The following RAB11FIP4 variants were observed in gnomAD, a reference collection of about 807,000 sequenced individuals.
RAB11FIP4 encodes rab11 family-interacting protein 4.
RAB11FIP4 carries 23 observed loss-of-function variants against 74.3 expected under a neutral mutation model. The ratio of observed to expected loss-of-function variants is 0.31; its 90% confidence interval spans 0.22 to 0.44. The LOEUF (loss-of-function observed/expected upper bound fraction) is 0.44. Among genes scored for constraint, RAB11FIP4 ranks in the 20% least tolerant of loss-of-function variants. The pLI is 1.00. For synonymous variants in RAB11FIP4, 360 were observed against 359.9 expected (o/e 1.00, Z 0.00); for missense variants, 630 against 863.9 (o/e 0.73, Z 3.39).
chr17:31,525,236 C>T lies in RAB11FIP4; in HGVS notation c.1274+6C>T, dbSNP rs776224752. On this transcript the variant is annotated splice_donor_region_variant and intron_variant, in intron 10 of 14. Transcript: ENST00000621161. ...GTGGAGCTGCTCAATGCCAGGTGGG[C>T]CCCTCCACCGAGCCCCCTCCCTCAG... is the stretch of plus-strand genomic sequence containing the variant. The T allele has an allele frequency of 1.2e-5, 18 of 1,541,888 alleles. No individual in the cohort carries two copies. Among genetic ancestry groups the T allele is most frequent in the South Asian group, 9.7e-5 (8 of 82,878 alleles).
At chr17:31,505,079 C>T (rs1454626340) in intron 3 of RAB11FIP4, among the ~76,000 whole-genome samples, 2 of 151,972 alleles carry the variant, frequency 1.3e-5, no homozygotes, top group Non-Finnish European at 2.9e-5. Context: ...TGCTGTGTAC[C>T]TCTTAGGCAT....
intron 2 of RAB11FIP4, among the ~76,000 whole-genome samples, chr17:31,432,773 G>A (rs999508689): frequency 5.3e-5 from 8 of 152,206 alleles, no homozygotes; most frequent in Non-Finnish European, 8.8e-5. Context: ...AAGGCCAGTT[G>A]TGAGAAACTT....
intron 3 of RAB11FIP4, among the ~76,000 whole-genome samples, chr17:31,443,425 C>T (rs1224294612): frequency 2.6e-5 from 4 of 152,168 alleles, no homozygotes; most frequent in African/African-American, 9.7e-5. Context: ...CTTTCCCGCC[C>T]AAGATTGTGA....
chr17:31,405,149 G>A (rs1269737388), intron 1 of RAB11FIP4, among the ~76,000 whole-genome samples: 1 of 152,114 alleles, frequency 6.6e-6, no homozygotes, highest in Non-Finnish European at 1.5e-5. Context: ...TTCTGTCCCA[G>A]TTCAGGGGCA....
At position 31,536,267 on chromosome 17, in the gene RAB11FIP4, G is replaced by C. The variant is rs573718549; in HGVS notation, c.*4535G>C. The C allele has an allele frequency of 3.3e-4, 50 of 152,294 alleles. 1 individual carries two copies. The highest frequency in any genetic ancestry group is 3.1e-3 in the Admixed American group (47 of 15,300). 9.4% of individuals were successfully genotyped at this position (152,294 alleles called of 1,614,324 possible). On this transcript the variant is annotated 3_prime_UTR_variant, in exon 15 of 15. Transcript: ENST00000621161. ...CCCAGCACTTTGGGAGGCCAAGGCA[G>C]GTGGATTGCCTGAGCTCAGGAGTTC...
rs56250130 is a variant in RAB11FIP4 at position 31,512,513 on chromosome 17, C to T, written c.337-5138C>T. On this transcript the variant is annotated intron_variant, in intron 3 of 14. Transcript: ENST00000621161. The surrounding 1 kb of genome is among the most constrained non-coding windows in gnomAD (Gnocchi z 4.1). ...CGCTCTCTCCCTTCACCCCGGGGTC[C>T]GCTGGCAGGTGGAAGAAAGCCTGGG... Among the ~76,000 whole-genome samples the T allele has an allele frequency of 0.019, 2,844 of 152,226 alleles. 75 individuals are homozygous for T. Among genetic ancestry groups the T allele is most frequent in the African/African-American group, 0.063 (2,629 of 41,516 alleles).
Position 31,463,590 on chromosome 17 carries a change from G to C in RAB11FIP4, c.336+29468G>C, listed in dbSNP as rs1013246139. On this transcript the variant is annotated intron_variant, in intron 3 of 14. Coordinates refer to ENST00000621161, the MANE Select transcript of RAB11FIP4 (RefSeq NM_032932.6). ...TTCTCCTCAGCTCACTGCAACCTCCGTCTCCCAGGCTCAAGCGAATCTCCT... is the reference window on the plus strand; with the variant it reads ...TTCTCCTCAGCTCACTGCAACCTCCCTCTCCCAGGCTCAAGCGAATCTCCT... Among the ~76,000 whole-genome samples the C allele has an allele frequency of 1.3e-5, 2 of 151,974 alleles. 1 individual carries two copies. The highest frequency in any genetic ancestry group is 4.8e-5 in the African/African-American group (2 of 41,380).
At chr17:31,426,896 A>G (rs978165034) in intron 1 of RAB11FIP4, among the ~76,000 whole-genome samples, 3 of 152,042 alleles carry the variant, frequency 2.0e-5, no homozygotes, top group African/African-American at 7.2e-5. Flanking sequence ...CACCACGCCC[A>G]GCCCAATTTC....
intron 3 of RAB11FIP4, among the ~76,000 whole-genome samples, chr17:31,457,173 T>G (rs1472294331): frequency 6.6e-6 from 1 of 152,128 alleles, no homozygotes; most frequent in Non-Finnish European, 1.5e-5. Context: ...CATCGTGTTT[T>G]AGGTAGAGAA....
At chr17:31,503,044 T>TGTC (rs2072251549) in intron 3 of RAB11FIP4, among the ~76,000 whole-genome samples, 1 of 146,570 alleles carries the variant, frequency 6.8e-6, no homozygotes, top group African/African-American at 2.5e-5. Context: ...ATTTTGTTGT[T>TGTC]TGTTTTAAGA....
chr17:31,442,831 A>G (rs867015069), intron 3 of RAB11FIP4, among the ~76,000 whole-genome samples: 3 of 152,208 alleles, frequency 2.0e-5, no homozygotes, highest in Middle Eastern at 3.4e-3. Context: ...GTGATAGCGC[A>G]TGCCTGTAAT....
At chr17:31,448,413 G>GTTTTTTTTTTTTTTTTTT (rs1567659533) in intron 3 of RAB11FIP4, 1 of 29,722 alleles carries the variant, frequency 3.4e-5, no homozygotes, top group African/African-American at 2.3e-4. Context: ...TTTTTTTTTG[G>GTTTTTTTTTTTTTTTTTT]CAGAGACCGG....
chr17:31,459,644 G>A (rs989300187), intron 3 of RAB11FIP4, among the ~76,000 whole-genome samples: 1 of 152,068 alleles, frequency 6.6e-6, no homozygotes, highest in Non-Finnish European at 1.5e-5. Flanking sequence ...TTCTACTCCT[G>A]GGCTTTTGCC....
chr17:31,517,507 T>C (rs1325935424), intron 3 of RAB11FIP4, 144 bp from the exon 4 acceptor site: 1 of 708,606 alleles, frequency 1.4e-6, no homozygotes, highest in East Asian at 2.7e-5. Context: ...CTGCCAGGTG[T>C]TCCCACGCTT....
chr17:31,531,217 T>G, intron 14 of RAB11FIP4: 1 of 184,512 alleles, frequency 5.4e-6, no homozygotes, highest in Non-Finnish European at 1.1e-5. Flanking sequence ...AAGAGCAGTG[T>G]GGGGCTGGGG....
intron 3 of RAB11FIP4, among the ~76,000 whole-genome samples, chr17:31,473,376 C>G (rs2071758399): frequency 1.9e-5 from 1 of 51,742 alleles, no homozygotes; most frequent in Non-Finnish European, 3.4e-5. Context: ...CCAGTCTCTA[C>G]CAAAAAAAAA....
At chr17:31,414,255 A>G (rs1018381848) in intron 1 of RAB11FIP4, among the ~76,000 whole-genome samples, 10 of 152,264 alleles carry the variant, frequency 6.6e-5, no homozygotes, top group African/African-American at 2.4e-4. Flanking sequence ...TCACCTACAC[A>G]CTTTTATGCT....
At chr17:31,454,901 C>G (rs1597926525) in intron 3 of RAB11FIP4, among the ~76,000 whole-genome samples, 1 of 152,124 alleles carries the variant, frequency 6.6e-6, no homozygotes, top group East Asian at 1.9e-4. Context: ...AAGATGGAAA[C>G]TGTCTGTGGG....
At chr17:31,430,250 C>T (rs1013410453) in intron 1 of RAB11FIP4, among the ~76,000 whole-genome samples, 1 of 151,852 alleles carries the variant, frequency 6.6e-6, no homozygotes, top group African/African-American at 2.4e-5. Context: ...TGACCAAAGG[C>T]CAGTGCAGCT....
Sources: allele counts gnomAD v4.1 joint callset (sites outside exome capture counted in the v4.1 genomes callset), GRCh38; gene constraint gnomAD v4.1.1; non-coding constraint Gnocchi (gnomAD v3.1); transcripts MANE v1.5; gene names NCBI Gene and HGNC (gene_info 2026-07-23, HGNC 2026-07-21).